The following FBN2 variants were observed in gnomAD, a reference collection of about 807,000 sequenced individuals.
The protein encoded by FBN2 is fibrillin 2, also known as fibrillin-2.
Under a neutral mutation model 355.6 loss-of-function variants are expected in FBN2, and 105 were observed. That is an observed-to-expected ratio of 0.30 (90% confidence interval 0.25 to 0.35). FBN2 has a LOEUF of 0.35. Ranked by LOEUF, FBN2 falls within the 10% of genes least tolerant of loss-of-function variation. FBN2 has a pLI of 1.00. For missense variants in FBN2, 3,280 were observed against 3,758.7 expected (o/e 0.87, Z 3.33); for synonymous variants, 1,350 against 1,301.2 (o/e 1.04, Z -0.81).
chr5:128,530,216 G>A (rs1756665429), intron 3 of FBN2, among the ~76,000 whole-genome samples: 1 of 152,102 alleles, frequency 6.6e-6, no homozygotes. Context: ...AAGCAAAATA[G>A]GTCCATTATG....
chr5:128,473,438 C>G (rs1754925932), intron 5 of FBN2, among the ~76,000 whole-genome samples: 1 of 152,054 alleles, frequency 6.6e-6, no homozygotes, highest in Middle Eastern at 3.2e-3. Flanking sequence ...ATCTTAAGTA[C>G]TAAAAATATT....
chr5:128,422,996 TA>T (rs1753390945), intron 7 of FBN2, among the ~76,000 whole-genome samples: 1 of 152,138 alleles, frequency 6.6e-6, no homozygotes, highest in Non-Finnish European at 1.5e-5. Context: ...AAGCTGAAAC[TA>T]GTTGGACTCC....
intron 5 of FBN2, among the ~76,000 whole-genome samples, chr5:128,509,803 C>A (rs1254157883): frequency 6.6e-6 from 1 of 152,112 alleles, no homozygotes; most frequent in African/African-American, 2.4e-5. Flanking sequence ...TAATTGTTCT[C>A]CACTATTGAG....
At chr5:128,364,522 T>C in intron 18 of FBN2, 78 bp downstream of exon 18, 2 of 1,418,382 alleles carry the variant, frequency 1.4e-6, no homozygotes, top group Non-Finnish European at 2.0e-6. Flanking sequence ...TTTTAGTCAT[T>C]TGTGTTTTTA....
chr5:128,295,531 C>T (rs1198478707), intron 48 of FBN2, among the ~76,000 whole-genome samples: 1 of 145,764 alleles, frequency 6.9e-6, no homozygotes, highest in African/African-American at 2.7e-5. Flanking sequence ...GTTTGTAGTT[C>T]TCCTTGAAGA....
intron 7 of FBN2, among the ~76,000 whole-genome samples, chr5:128,418,323 G>GT (rs1753258395): frequency 6.6e-6 from 1 of 151,748 alleles, no homozygotes; most frequent in African/African-American, 2.4e-5. Flanking sequence ...CCTTTGTATT[G>GT]TTTTTTCAGT....
chr5:128,392,226 A>C, intron 10 of FBN2, 71 bp from the exon 11 acceptor site: 1 of 1,344,298 alleles, frequency 7.4e-7, no homozygotes, highest in Middle Eastern at 2.0e-4. Context: ...TGATTTTTAA[A>C]GGACATTTAA....
At position 128,530,732 on chromosome 5, in the gene FBN2, A is replaced by C. The variant is rs760438951; in HGVS notation, c.338-39T>G. ...AATAGGAAAATGAATGAATAACTAT[A>C]TAATAAACCATAGTTTACAAAACAA... is the stretch of plus-strand genomic sequence containing the variant. On this transcript the variant is annotated intron_variant, in intron 2 of 64. Coordinates refer to ENST00000262464, the MANE Select transcript of FBN2 (RefSeq NM_001999.4). The C allele has an allele frequency of 2.4e-6, 3 of 1,236,080 alleles. No individual in the cohort carries two copies. The South Asian group carries it at 3.6e-5, about 15-fold the overall frequency. 76.6% of individuals were successfully genotyped at this position (1,236,080 alleles called of 1,614,324 possible). A position where few individuals can be genotyped will look rare whatever the true frequency, so the allele number is the denominator to read the frequency against.
chr5:128,344,416 A>G lies in FBN2; in HGVS notation c.3312T>C (p.Phe1104=). 1 of 1,614,098 alleles carries G rather than the reference A, an allele frequency of 6.2e-7. No individual in the cohort carries two copies. The highest frequency in any genetic ancestry group is 8.5e-7 in the Non-Finnish European group (1 of 1,179,928). Residue 1104 remains phenylalanine (F), a synonymous_variant, in exon 25 of 65, where the codon TTT becomes TTC. Coordinates refer to ENST00000262464, the MANE Select transcript of FBN2 (RefSeq NM_001999.4). ...AGTTTCTTTCCTCCATGTCTAGAGC[A>G]AAGCCACTATTGCAACGGCATTTGA... ...GSFKCRCNSG[F]ALDMEERNCT...
chr5:128,297,575 C>G (rs1256667822), intron 48 of FBN2, among the ~76,000 whole-genome samples: 2 of 152,094 alleles, frequency 1.3e-5, no homozygotes, highest in Non-Finnish European at 2.9e-5. Context: ...TGAATTGATC[C>G]CTTACCATTA....
chr5:128,466,694 C>T (rs1288101228), intron 5 of FBN2, among the ~76,000 whole-genome samples: 2 of 152,164 alleles, frequency 1.3e-5, no homozygotes, highest in African/African-American at 2.4e-5. Flanking sequence ...AACATTGTTA[C>T]TCTGCAGCTG....
intron 3 of FBN2, 73 bp from the exon 4 acceptor site, chr5:128,528,040 A>G: frequency 1.1e-6 from 1 of 941,088 alleles, no homozygotes. Context: ...AGGTTATAAA[A>G]CTATAAACTC....
chr5:128,536,520 T>A, intron 1 of FBN2, 36 bp from the exon 2 acceptor site: 1 of 1,491,852 alleles, frequency 6.7e-7, no homozygotes, highest in Middle Eastern at 1.7e-4. Flanking sequence ...AACAGATAGG[T>A]AGAGGGATGC....
chr5:128,536,564 C>G (rs1177201830), intron 1 of FBN2, 80 bp from the exon 2 acceptor site: 1 of 938,882 alleles, frequency 1.1e-6, no homozygotes, highest in Admixed American at 2.0e-5. Context: ...AAGCAATGCC[C>G]CGAGCGAGTA....
intron 19 of FBN2, among the ~76,000 whole-genome samples, chr5:128,358,804 A>C (rs891273488): frequency 1.3e-5 from 2 of 152,102 alleles, no homozygotes; most frequent in African/African-American, 4.8e-5. Flanking sequence ...CATTTGTAAG[A>C]AGCCTGAAAA....
At chr5:128,269,673 G>A (rs150902829) in intron 62 of FBN2, among the ~76,000 whole-genome samples, 66 of 152,188 alleles carry the variant, frequency 4.3e-4, no homozygotes, top group Middle Eastern at 3.4e-3. Flanking sequence ...CAGCAAACGA[G>A]GTATGAAGAA....
At chr5:128,377,550 C>CAA (rs35072875) in intron 13 of FBN2, among the ~76,000 whole-genome samples, 1 of 143,278 alleles carries the variant, frequency 7.0e-6, no homozygotes. Flanking sequence ...CCTCCACCAC[C>CAA]AAAAAAAAAA....
chr5:128,268,881 A>G (rs959168347), intron 62 of FBN2, among the ~76,000 whole-genome samples: 1 of 152,204 alleles, frequency 6.6e-6, no homozygotes, highest in African/African-American at 2.4e-5. Flanking sequence ...TCTCAAAATA[A>G]TAAGAGCTAT....
chr5:128,452,721 T>G (rs913889647), intron 6 of FBN2, among the ~76,000 whole-genome samples: 5 of 152,182 alleles, frequency 3.3e-5, no homozygotes, highest in Non-Finnish European at 4.4e-5. Context: ...ACATTGAACT[T>G]GCTTTTTCTT....
Sources: allele counts gnomAD v4.1 joint callset (sites outside exome capture counted in the v4.1 genomes callset), GRCh38; gene constraint gnomAD v4.1.1; transcripts MANE v1.5; gene names NCBI Gene and HGNC (gene_info 2026-07-23, HGNC 2026-07-21).